LRMDA: variants seen among roughly 807,000 people sequenced by gnomAD.
The protein encoded by LRMDA is leucine-rich melanocyte differentiation-associated protein.
In LRMDA, 18 loss-of-function variants were observed where a neutral mutation model predicts 29.8. The observed-to-expected ratio is 0.60, with a 90% CI of 0.42 to 0.90. The LOEUF (loss-of-function observed/expected upper bound fraction) is 0.90. Ranked by LOEUF, LRMDA falls within the 40% of genes least tolerant of loss-of-function variation. The probability of loss-of-function intolerance (pLI) is 0.00; values close to 1 mark genes in which losing one functional copy is unlikely to be tolerated. For synonymous variants in LRMDA, 125 were observed against 109.4 expected, an observed-to-expected ratio of 1.14 and a Z score of -0.89; for missense variants, 273 against 273.9, an observed-to-expected ratio of 1.00 and a Z score of 0.02.
intron 6 of LRMDA, among the ~76,000 whole-genome samples, chr10:76,396,332 C>G (rs1589165115): frequency 1.3e-5 from 2 of 152,260 alleles, no homozygotes; most frequent in South Asian, 2.1e-4. Context: ...GTGGCCTAGC[C>G]AAAGGATCTG....
intron 2 of LRMDA, among the ~76,000 whole-genome samples, chr10:76,014,148 A>ATATATATAAAAG: frequency 7.1e-6 from 1 of 140,360 alleles, no homozygotes; most frequent in African/African-American, 2.6e-5. Flanking sequence ...ATATATAATT[A>ATATATATAAAAG]TATATATATA....
intron 6 of LRMDA, among the ~76,000 whole-genome samples, chr10:76,485,822 A>C (rs1006019888): frequency 1.3e-4 from 20 of 151,598 alleles, no homozygotes; most frequent in African/African-American, 4.8e-4. Context: ...ATCTACTTTA[A>C]TTCTTATTCT....
chr10:76,155,017 C>T (rs1366270012), intron 5 of LRMDA, among the ~76,000 whole-genome samples: 2 of 152,168 alleles, frequency 1.3e-5, no homozygotes, highest in Non-Finnish European at 2.9e-5. Context: ...ACTTAAGTTA[C>T]ATGACCACAC....
chr10:76,222,981 T>C (rs1851875008), intron 5 of LRMDA, among the ~76,000 whole-genome samples: 1 of 151,948 alleles, frequency 6.6e-6, no homozygotes, highest in South Asian at 2.1e-4. Context: ...ATAGATGAAA[T>C]TGGAAATCAT....
intron 5 of LRMDA, among the ~76,000 whole-genome samples, chr10:76,150,723 A>G (rs1850425172): frequency 6.6e-6 from 1 of 152,138 alleles, no homozygotes; most frequent in African/African-American, 2.4e-5. Context: ...TTCATTAATC[A>G]TCCCTTTGCC....
intron 6 of LRMDA, among the ~76,000 whole-genome samples, chr10:76,338,545 G>A (rs979538248): frequency 3.3e-5 from 5 of 152,034 alleles, no homozygotes; most frequent in Non-Finnish European, 7.4e-5. Context: ...TCCATCCTTA[G>A]TTTAGGCATC....
rs1159719369 is a variant in LRMDA, at chr10:76,225,720, A to ATTTAT, written c.517-98679_517-98678insTATTT. On this transcript the variant is annotated intron_variant, in intron 5 of 6. Coordinates refer to ENST00000611255, the MANE Select transcript of LRMDA (RefSeq NM_001305581.2). ...ATTTTATTTATTTATTTATTTATTT[A>ATTTAT]TTATTATATATATATTTTTATTATA... 4.9e-5 allele frequency among the ~76,000 whole-genome samples: 7 copies of ATTTAT among 143,190 alleles called. No individual in the cohort carries two copies. The South Asian group carries it at 8.6e-4, about 18-fold the overall frequency. 93.9% of individuals were successfully genotyped at this position (143,190 alleles called of 152,430 possible).
At chr10:76,146,646 C>CA (rs1305846607) in intron 5 of LRMDA, among the ~76,000 whole-genome samples, 7 of 152,286 alleles carry the variant, frequency 4.6e-5, no homozygotes, top group African/African-American at 1.7e-4. Context: ...TCCAATTTGC[C>CA]AGTCTGTGTC....
At chr10:75,914,463 C>T (rs1380856308) in intron 2 of LRMDA, among the ~76,000 whole-genome samples, 1 of 152,198 alleles carries the variant, frequency 6.6e-6, no homozygotes, top group African/African-American at 2.4e-5. Flanking sequence ...ATAAAATTTT[C>T]ATTTTTGTGA....
At chr10:76,045,048 G>A (rs764557690) in intron 3 of LRMDA, among the ~76,000 whole-genome samples, 1 of 137,102 alleles carries the variant, frequency 7.3e-6, no homozygotes, top group African/African-American at 2.8e-5. Context: ...ACCTTCTCTT[G>A]CTAGTTTTTC....
intron 2 of LRMDA, among the ~76,000 whole-genome samples, chr10:75,888,172 C>T (rs1845422632): frequency 6.6e-6 from 1 of 152,170 alleles, no homozygotes; most frequent in Admixed American, 6.5e-5. Flanking sequence ...CAAAGGCCAG[C>T]CCCAGCCCCA....
At chr10:75,866,905 GA>G (rs1845029172) in intron 2 of LRMDA, among the ~76,000 whole-genome samples, 2 of 152,158 alleles carry the variant, frequency 1.3e-5, no homozygotes, top group Admixed American at 1.3e-4. Context: ...AGGGGAGGAT[GA>G]AAAAGGAACT....
chr10:75,431,663 T>TCCCCGCTGCTGCCGCCGCGC lies in LRMDA; in HGVS notation c.-55_-36dup, dbSNP rs1844196017. On this transcript the variant is annotated 5_prime_UTR_variant, in exon 1 of 7. Coordinates refer to ENST00000611255, the MANE Select transcript of LRMDA (RefSeq NM_001305581.2). Reference sequence around the variant, plus strand: ...CGCCCGCCGCGCTCCCCTGCCGCGCTCCCCGCTGCTGCCGCCGCGCCCCCG... The same window carrying TCCCCGCTGCTGCCGCCGCGC: ...CGCCCGCCGCGCTCCCCTGCCGCGCTCCCCGCTGCTGCCGCCGCGCCCCCGCTGCTGCCGCCGCGCCCCCG... 1 of 1,237,974 alleles carries TCCCCGCTGCTGCCGCCGCGC rather than the reference T, an allele frequency of 8.1e-7. No individual in the cohort carries two copies. Among genetic ancestry groups the TCCCCGCTGCTGCCGCCGCGC allele is most frequent in the South Asian group, 3.5e-5 (1 of 28,706 alleles). 76.7% of individuals were successfully genotyped at this position (1,237,974 alleles called of 1,614,324 possible).
chr10:76,412,926 C>T (rs1006359461), intron 6 of LRMDA, among the ~76,000 whole-genome samples: 1 of 152,118 alleles, frequency 6.6e-6, no homozygotes, highest in Non-Finnish European at 1.5e-5. Flanking sequence ...CTTCTTCACT[C>T]CTAGTCCCCT....
At chr10:76,222,829 C>A (rs866082916) in intron 5 of LRMDA, among the ~76,000 whole-genome samples, 1 of 151,934 alleles carries the variant, frequency 6.6e-6, no homozygotes, top group Non-Finnish European at 1.5e-5. Context: ...ATGTTTATTG[C>A]GGCACTATTC....
At chr10:76,527,311 A>G (rs915578167) in intron 6 of LRMDA, among the ~76,000 whole-genome samples, 3 of 152,174 alleles carry the variant, frequency 2.0e-5, no homozygotes, top group Non-Finnish European at 4.4e-5. Context: ...ATTTTTGTGT[A>G]TTCTGTACAG....
intron 2 of LRMDA, among the ~76,000 whole-genome samples, chr10:76,024,934 C>T (rs969194278): frequency 6.6e-6 from 1 of 152,234 alleles, no homozygotes; most frequent in Non-Finnish European, 1.5e-5. Flanking sequence ...CCCCACCAGG[C>T]TCTGCATTCC....
chr10:76,396,411 G>C (rs544322430), intron 6 of LRMDA: 1 of 152,322 alleles, frequency 6.6e-6, no homozygotes, highest in South Asian at 2.1e-4. Context: ...AAGTGACGAT[G>C]CGATTCTTTC....
chr10:76,221,755 T>C (rs1257756762), intron 5 of LRMDA, among the ~76,000 whole-genome samples: 1 of 152,126 alleles, frequency 6.6e-6, no homozygotes, highest in Non-Finnish European at 1.5e-5. Context: ...CTTCACAGAA[T>C]TGGAAAAAAC....
Sources: gnomAD v4.1 joint callset for allele counts (sites outside exome capture counted in the v4.1 genomes callset) on GRCh38, gnomAD v4.1.1 for gene constraint, MANE v1.5 for transcripts, NCBI Gene and HGNC (gene_info 2026-07-23, HGNC 2026-07-21) for gene names.